The following ABCA2 variants were observed in gnomAD, a reference collection of about 807,000 sequenced individuals.
The protein encoded by ABCA2 is ATP binding cassette subfamily A member 2.
A neutral mutation model predicts 262.8 loss-of-function variants in ABCA2; 84 were observed. The ratio of observed to expected loss-of-function variants is 0.32; its 90% CI spans 0.27 to 0.38. ABCA2 has a LOEUF of 0.38. Among genes scored for constraint, ABCA2 ranks in the 10% least tolerant of loss-of-function variants. The probability of loss-of-function intolerance (pLI) is 1.00; values close to 1 mark genes in which losing one functional copy is unlikely to be tolerated. For missense variants in ABCA2, 2,662 were observed against 3,405.9 expected (o/e 0.78, Z 5.44); for synonymous variants, 1,696 against 1,502.9 (o/e 1.13, Z -2.97).
At position 137,010,182 on chromosome 9, in the gene ABCA2, T is replaced by C; in HGVS notation, c.6353+11A>G. The C allele has an allele frequency of 6.3e-7, 1 of 1,596,768 alleles. No homozygotes were observed. The highest frequency in any genetic ancestry group is 8.5e-7 in the Non-Finnish European group (1 of 1,176,194). ...CGCGGCGGCCCCGCCCACCCAGGGC[T>C]CCCGCCCCACCTGTGTCCATTGACG... On this transcript the variant is annotated intron_variant, in intron 41 of 48. Coordinates refer to ENST00000341511, the MANE Select transcript of ABCA2 (RefSeq NM_001606.5).
chr9:137,015,075 G>A lies in ABCA2; in HGVS notation c.3720C>T (p.Pro1240=). 1.3e-6 allele frequency: 2 copies of A among 1,595,812 alleles called. No individual in the cohort carries two copies. Among genetic ancestry groups the A allele is most frequent in the Non-Finnish European group, 1.7e-6 (2 of 1,171,982 alleles). Residue 1240 remains proline (P), a synonymous_variant, in exon 25 of 49, where the codon CCC becomes CCT. Transcript: ENST00000341511. ...GPQEPGLASS[P]PGRAPLSSCS... ...AGCTGCTCAGCGGGGCCCGACCTGGGGGGCTGGATGCCAGCCCTGGCTCTG... is the reference window on the plus strand; with the variant it reads ...AGCTGCTCAGCGGGGCCCGACCTGGAGGGCTGGATGCCAGCCCTGGCTCTG...
Position 137,018,910 on chromosome 9 carries a change from A to G in ABCA2, c.1715T>C (p.Met572Thr), listed in dbSNP as rs769398035. The G allele has an allele frequency of 6.2e-6, 10 of 1,612,480 alleles. No individual in the cohort carries two copies. The Admixed American group carries it at 6.7e-5, about 11-fold the overall frequency. The change falls in exon 12 of 49, where the codon ATG becomes ACG. Residue 572 changes from methionine to threonine, a missense_variant. Transcript: ENST00000341511. The stretch of plus-strand genomic sequence containing the variant: ...GGAGGCCCCACCGCTCACCTTGGAC[A>G]TGAACTGGATCCAGCCGCAGGCCGC... Reference protein sequence around the residue: ...DNAACGWIQFMSKVSVDIFKG... With the variant: ...DNAACGWIQFTSKVSVDIFKG...
chr9:137,020,422 G>T lies in ABCA2; in HGVS notation c.1339C>A (p.Leu447Met). ...LGFTSKEQRNLGLLVHLMTSN... is the reference protein window; with the variant it reads ...LGFTSKEQRNMGLLVHLMTSN... ...GTCATGAGGTGCACGAGGAGGCCCA[G>T]GTTCCGCTGCTCCTTGCTCGTGAAG... is the stretch of plus-strand genomic sequence containing the variant. Residue 447 changes from leucine to methionine, a missense_variant, in exon 10 of 49, where the codon CTG becomes ATG. Coordinates refer to ENST00000341511, the MANE Select transcript of ABCA2 (RefSeq NM_001606.5). The T allele has an allele frequency of 6.2e-7, 1 of 1,612,720 alleles. No individual in the cohort carries two copies. The highest frequency in any genetic ancestry group is 1.1e-5 in the South Asian group (1 of 91,064).
At position 137,007,791 on chromosome 9, in the gene ABCA2, G is replaced by A; in HGVS notation, c.*138C>T. On this transcript the variant is annotated 3_prime_UTR_variant, in exon 49 of 49. Transcript: ENST00000341511. Reference sequence around the variant, plus strand: ...GGCATGGCCGAGTACAGGGGCTGGAGGACCAGAAGCCCCTTGGTCCTGAAC... The same window carrying A: ...GGCATGGCCGAGTACAGGGGCTGGAAGACCAGAAGCCCCTTGGTCCTGAAC... 1 of 1,214,428 alleles carries A rather than the reference G, an allele frequency of 8.2e-7. No homozygotes were observed. The highest frequency in any genetic ancestry group is 1.2e-6 in the Non-Finnish European group (1 of 859,242). The allele number at this position is 1,214,428 out of a possible 1,614,324, so 75.2% of individuals were successfully genotyped here.
chr9:137,015,452 G>A lies in ABCA2; in HGVS notation c.3659C>T (p.Thr1220Met), dbSNP rs1364391694. Residue 1220 changes from threonine to methionine, a missense_variant, in exon 24 of 49, where the codon ACG becomes ATG. Physicochemically the swap from Thr to Met is moderately conservative, Grantham distance 81. Coordinates refer to ENST00000341511, the MANE Select transcript of ABCA2 (RefSeq NM_001606.5). The stretch of plus-strand genomic sequence containing the variant: ...CGGCTCGGCGGGCCGCTTGACCAGC[G>A]TGAGGCGGTACCCGTCGCCATAGGT... ...KGTYGDGYRL[T>M]LVKRPAEPGG... 4.4e-6 allele frequency: 7 copies of A among 1,582,312 alleles called. No homozygotes were observed. The highest frequency in any genetic ancestry group is 1.4e-5 in the African/African-American group (1 of 74,056).
Position 137,021,864 on chromosome 9 carries a change from G to A in ABCA2, c.678+27C>T, listed in dbSNP as rs571052873. ...CCCCCAGAGGCAGGCAGCACTCCAGGCCCATCCCACACATGGATGCCCTCA... is the reference window on the plus strand; with the variant it reads ...CCCCCAGAGGCAGGCAGCACTCCAGACCCATCCCACACATGGATGCCCTCA... On this transcript the variant is annotated intron_variant, in intron 7 of 48. Coordinates refer to ENST00000341511, the MANE Select transcript of ABCA2 (RefSeq NM_001606.5). This position sits in a 1 kb window ranked among gnomAD's most constrained non-coding sequence, Gnocchi z 6.0. 7.1e-6 allele frequency: 11 copies of A among 1,556,306 alleles called. No homozygotes were observed. The East Asian group carries it at 1.9e-4, about 26-fold the overall frequency.
At chr9:137,022,254 G>A (rs1396409063) in intron 6 of ABCA2, 97 bp downstream of exon 6, 27 of 1,458,476 alleles carry the variant, frequency 1.9e-5, no homozygotes, top group East Asian at 9.8e-5. Flanking sequence ...CGGTCTGGGC[G>A]TGACTCAGGC....
intron 1 of ABCA2, 102 bp from the exon 2 acceptor site, chr9:137,024,338 T>G: frequency 9.9e-7 from 1 of 1,005,040 alleles, no homozygotes; most frequent in Non-Finnish European, 1.4e-6. Context: ...GACCACGTGC[T>G]CCCTGGGGCC....
chr9:137,028,768 C>A, upstream of ABCA2: 1 of 1,286,874 alleles, frequency 7.8e-7, no homozygotes, highest in Admixed American at 2.9e-5. The surrounding 1 kb of genome is among the most constrained non-coding windows in gnomAD (Gnocchi z 6.9). Context: ...TTCCGAGCAG[C>A]CAGCGGAAGG....
intron 28 of ABCA2, 45 bp from the exon 29 acceptor site, chr9:137,013,608 C>A: frequency 1.9e-6 from 3 of 1,547,968 alleles, no homozygotes; most frequent in Middle Eastern, 3.5e-4. Flanking sequence ...TGCCCTCTGG[C>A]CAGCGGCCCC....
chr9:137,020,509 C>G lies in ABCA2; in HGVS notation c.1266-14G>C. ...GGTTCAATGGTGCTGGGGTAGGGGA[C>G]AGGGGGCCGGGCCAGGCCGTTAGGG... On this transcript the variant is annotated splice_polypyrimidine_tract_variant and intron_variant, in intron 9 of 48. Coordinates refer to ENST00000341511, the MANE Select transcript of ABCA2 (RefSeq NM_001606.5). 1 of 1,576,360 alleles carries G rather than the reference C, an allele frequency of 6.3e-7. No homozygotes were observed. The highest frequency in any genetic ancestry group is 1.3e-5 in the African/African-American group (1 of 74,524).
intron 1 of ABCA2, among the ~76,000 whole-genome samples, 184 bp from the exon 2 acceptor site, chr9:137,024,420 T>A (rs943737495): frequency 3.9e-5 from 6 of 152,172 alleles, no homozygotes; most frequent in African/African-American, 1.4e-4. Flanking sequence ...AGGGTAAGGA[T>A]TGTCTGGCTC....
At chr9:137,022,595 G>A in intron 5 of ABCA2, 107 bp downstream of exon 5, 1 of 1,556,258 alleles carries the variant, frequency 6.4e-7, no homozygotes, top group East Asian at 2.3e-5. Flanking sequence ...TGCGTGGCTG[G>A]GAACTCAGTG....
At chr9:137,013,359 G>A (rs760469691) in intron 29 of ABCA2, 41 bp from the exon 30 acceptor site, 43 of 1,527,200 alleles carry the variant, frequency 2.8e-5, no homozygotes, top group East Asian at 4.8e-5. Flanking sequence ...GCCAGTCTCC[G>A]CCCCTCGCCA....
rs1554738878 is a variant in ABCA2 at position 137,022,019 on chromosome 9, A to ATGGCTTAGATGGGGGTG, written c.568-19_568-18insCACCCCCATCTAAGCCA. 3 of 1,327,948 alleles carry ATGGCTTAGATGGGGGTG rather than the reference A, an allele frequency of 2.3e-6. No homozygotes were observed. In the African/African-American group the frequency reaches 5.3e-5, roughly 23 times the overall value. The allele number at this position is 1,327,948 out of a possible 1,614,324, so 82.3% of individuals were successfully genotyped here. On this transcript the variant is annotated intron_variant, in intron 6 of 48. Coordinates refer to ENST00000341511, the MANE Select transcript of ABCA2 (RefSeq NM_001606.5). Reference sequence around the variant, plus strand: ...TGGTAGACCTAGGAGGTGTGGGGGAATGGCTCAGATGGGGTGTGGGGGGCG... The same window carrying ATGGCTTAGATGGGGGTG: ...TGGTAGACCTAGGAGGTGTGGGGGAATGGCTTAGATGGGGGTGTGGCTCAGATGGGGTGTGGGGGGCG...
chr9:137,015,150 AC>A (rs901941931), intron 24 of ABCA2, 53 bp from the exon 25 acceptor site: 11 of 1,520,050 alleles, frequency 7.2e-6, no homozygotes, highest in African/African-American at 1.4e-5. Context: ...GGGAGGAGGG[AC>A]CCCCAATGGG....
chr9:137,020,161 G>A lies in ABCA2; in HGVS notation c.1425+175C>T, dbSNP rs1239329911. 3.7e-5 allele frequency: 29 copies of A among 787,960 alleles called. 1 individual carries two copies. In the Admixed American group the frequency reaches 4.3e-4, roughly 12 times the overall value. 48.8% of individuals were successfully genotyped at this position (787,960 alleles called of 1,614,324 possible). A position where few individuals can be genotyped will look rare whatever the true frequency, so the allele number is the denominator to read the frequency against. On this transcript the variant is annotated intron_variant, in intron 10 of 48. Coordinates refer to ENST00000341511, the MANE Select transcript of ABCA2 (RefSeq NM_001606.5). ...TCCCACAGCAGCCCCTGGAGCTCCCGAAAGGAAAAGCGACCCCCTGGTCCC... is the reference window on the plus strand; with the variant it reads ...TCCCACAGCAGCCCCTGGAGCTCCCAAAAGGAAAAGCGACCCCCTGGTCCC...
chr9:137,022,261 A>T, intron 6 of ABCA2, 90 bp downstream of exon 6: 2 of 1,452,762 alleles, frequency 1.4e-6, no homozygotes, highest in Non-Finnish European at 1.8e-6. Context: ...GGCGTGACTC[A>T]GGCTGAGCAT....
chr9:137,012,530 C>T lies in ABCA2; in HGVS notation c.5142G>A (p.Arg1714=). 1 of 1,612,080 alleles carries T rather than the reference C, an allele frequency of 6.2e-7. No homozygotes were observed. The change falls in exon 32 of 49, where the codon AGG becomes AGA. Residue 1714 remains arginine (R), a synonymous_variant. Transcript: ENST00000341511. The part of the protein sequence containing the change: ...LKSIPASFGT[R]APPMVRKIAV... ...CGATCTTCCGCACCATGGGTGGGGC[C>T]CTGGTGCCAAATGAGGCTGGGATGG...
Sources: gnomAD v4.1 joint callset for allele counts (sites outside exome capture counted in the v4.1 genomes callset) on GRCh38, gnomAD v4.1.1 for gene constraint, Gnocchi (gnomAD v3.1) non-coding constraint, MANE v1.5 for transcripts, NCBI Gene and HGNC (gene_info 2026-07-23, HGNC 2026-07-21) for gene names.